INPP4B: variants seen among roughly 807,000 people sequenced by gnomAD.
INPP4B encodes inositol polyphosphate 4-phosphatase type II.
INPP4B carries 55 observed loss-of-function variants against 122.5 expected under a neutral mutation model. The ratio of observed to expected loss-of-function variants is 0.45; its 90% confidence interval spans 0.36 to 0.56. The LOEUF (loss-of-function observed/expected upper bound fraction) is 0.56, where lower values mean the gene tolerates loss of function less well. Among genes scored for constraint, INPP4B ranks in the 20% least tolerant of loss-of-function variants. The pLI is 0.00. For missense variants in INPP4B, 1,000 were observed against 1,097.7 expected, an observed-to-expected ratio of 0.91 and a Z score of 1.26; for synonymous variants, 403 against 388.7, an observed-to-expected ratio of 1.04 and a Z score of -0.43.
At chr4:142,837,371 T>C (rs961894697) in intron 1 of INPP4B, among the ~76,000 whole-genome samples, 1 of 152,160 alleles carries the variant, frequency 6.6e-6, no homozygotes, top group Non-Finnish European at 1.5e-5. Flanking sequence ...CATGGATATA[T>C]TGCATAGTAC....
rs183996404 is a variant in INPP4B at position 142,079,756 on chromosome 4, C to T, written c.2642+2275G>A. Among the ~76,000 whole-genome samples the T allele has an allele frequency of 5.2e-3, 796 of 152,018 alleles. 10 individuals carry two copies. Among genetic ancestry groups the T allele is most frequent in the African/African-American group, 0.018 (758 of 41,528 alleles). On this transcript the variant is annotated intron_variant, in intron 25 of 25. Coordinates refer to ENST00000262992, the MANE Select transcript of INPP4B (RefSeq NM_001101669.3). ...CAAACACTTGCACATTTTTAAAGTG[C>T]TATTTAAAGAGCTGATTTACTTAAA...
chr4:142,130,013 G>A (rs901155729), intron 18 of INPP4B, among the ~76,000 whole-genome samples: 1 of 152,188 alleles, frequency 6.6e-6, no homozygotes, highest in African/African-American at 2.4e-5. Flanking sequence ...TACAGTATAA[G>A]GTGGTATGAT....
intron 7 of INPP4B, among the ~76,000 whole-genome samples, chr4:142,398,541 A>G (rs926670874): frequency 6.7e-6 from 1 of 149,764 alleles, no homozygotes; most frequent in African/African-American, 2.5e-5. Context: ...TGAAGAAGAA[A>G]GCCAACTATC....
rs994180740 is a variant in INPP4B, at chr4:142,081,700, C to G, written c.2642+331G>C. 2.6e-5 allele frequency among the ~76,000 whole-genome samples: 4 copies of G among 152,032 alleles called. No individual in the cohort carries two copies. The East Asian group carries it at 7.7e-4, about 29-fold the overall frequency. Reference sequence around the variant, plus strand: ...CTTACAGTGTTATATATGAGATTTTCGGGGCCCCTTAACTTGAGCCAATGA... The same window carrying G: ...CTTACAGTGTTATATATGAGATTTTGGGGGCCCCTTAACTTGAGCCAATGA... On this transcript the variant is annotated intron_variant, in intron 25 of 25. Transcript: ENST00000262992.
intron 2 of INPP4B, among the ~76,000 whole-genome samples, chr4:142,608,696 G>A (rs1489699304): frequency 6.6e-6 from 1 of 152,176 alleles, no homozygotes; most frequent in African/African-American, 2.4e-5. Flanking sequence ...CTTATCATCT[G>A]GAAAGACCAG....
At chr4:142,428,115 A>G (rs1022800507) in intron 5 of INPP4B, among the ~76,000 whole-genome samples, 2 of 151,626 alleles carry the variant, frequency 1.3e-5, no homozygotes, top group Non-Finnish European at 2.9e-5. Context: ...TTACATACCA[A>G]TTATGGTCTC....
chr4:142,423,932 T>C, intron 5 of INPP4B: 7 of 335,992 alleles, frequency 2.1e-5, no homozygotes, highest in South Asian at 1.7e-4. Flanking sequence ...TCATTTTCCT[T>C]CTAGAAATAC....
intron 16 of INPP4B, among the ~76,000 whole-genome samples, chr4:142,169,210 T>C (rs1044273808): frequency 6.6e-6 from 1 of 151,728 alleles, no homozygotes; most frequent in African/African-American, 2.4e-5. Context: ...ACCAATTAAA[T>C]AATTACCATT....
chr4:142,460,754 A>G (rs1253416796), intron 3 of INPP4B, among the ~76,000 whole-genome samples: 1 of 152,126 alleles, frequency 6.6e-6, no homozygotes, highest in Non-Finnish European at 1.5e-5. Context: ...AAGATGCTGA[A>G]TTGGTCTAAA....
chr4:142,145,806 C>A lies in INPP4B; in HGVS notation c.1720+34G>T, dbSNP rs10008528. 11,255 of 1,597,210 alleles carry A rather than the reference C, an allele frequency of 7.0e-3. 696 individuals are homozygous for A. The African/African-American group carries it at 0.13, about 18-fold the overall frequency. On this transcript the variant is annotated intron_variant, in intron 18 of 25. Transcript: ENST00000262992. Reference sequence around the variant, plus strand: ...TCACGAGTTTCTCATTTTGTTTACTCAGTAAATGATTGGGAAAAAAAATTA... The same window carrying A: ...TCACGAGTTTCTCATTTTGTTTACTAAGTAAATGATTGGGAAAAAAAATTA...
At chr4:142,740,723 G>A (rs1767778435) in intron 1 of INPP4B, among the ~76,000 whole-genome samples, 1 of 151,980 alleles carries the variant, frequency 6.6e-6, no homozygotes, top group Non-Finnish European at 1.5e-5. Context: ...TAAGTGACAA[G>A]GGAAATATTT....
chr4:142,547,177 G>T (rs1290242231), intron 2 of INPP4B, among the ~76,000 whole-genome samples: 5 of 150,958 alleles, frequency 3.3e-5, no homozygotes, highest in Admixed American at 1.3e-4. Flanking sequence ...GGTAAATAAG[G>T]TTGCAAAAAG....
At chr4:142,275,266 A>C (rs1747826808) in intron 9 of INPP4B, among the ~76,000 whole-genome samples, 1 of 151,874 alleles carries the variant, frequency 6.6e-6, no homozygotes, top group Non-Finnish European at 1.5e-5. Context: ...AAAAAGAAAA[A>C]CATCTCCAGA....
intron 20 of INPP4B, 78 bp downstream of exon 20, chr4:142,123,214 G>T: frequency 8.1e-7 from 1 of 1,230,326 alleles, no homozygotes; most frequent in East Asian, 2.6e-5. Flanking sequence ...TTATTTTTAT[G>T]TTTTCTTGAA....
rs1836727161 is a variant in INPP4B at position 142,193,170 on chromosome 4, C to A, written c.1098G>T (p.Val366=). The change falls in exon 15 of 26, where the codon GTG becomes GTT. Residue 366 remains valine (V), a synonymous_variant. Transcript: ENST00000262992. The part of the protein sequence containing the change: ...LKDALYDVIT[V]GAPAAHFQGF... ...CCTGAAAATGGGCAGCTGGGGCTCCCACAGTGATGACATCGTAGAGAGCAT... is the reference window on the plus strand; with the variant it reads ...CCTGAAAATGGGCAGCTGGGGCTCCAACAGTGATGACATCGTAGAGAGCAT... 3 of 1,611,996 alleles carry A rather than the reference C, an allele frequency of 1.9e-6. No homozygotes were observed. The highest frequency in any genetic ancestry group is 2.5e-6 in the Non-Finnish European group (3 of 1,178,228).
chr4:142,512,282 G>A (rs1278007040), intron 2 of INPP4B, among the ~76,000 whole-genome samples: 1 of 152,070 alleles, frequency 6.6e-6, no homozygotes, highest in Non-Finnish European at 1.5e-5. Flanking sequence ...GGATACAGTT[G>A]TAACTGAAAA....
chr4:142,503,129 G>T (rs1324216971), intron 2 of INPP4B, among the ~76,000 whole-genome samples: 1 of 152,068 alleles, frequency 6.6e-6, no homozygotes, highest in Non-Finnish European at 1.5e-5. Context: ...ATAATATATA[G>T]AGTGTCATTC....
intron 18 of INPP4B, among the ~76,000 whole-genome samples, chr4:142,135,177 A>C (rs949092920): frequency 1.3e-5 from 2 of 152,206 alleles, no homozygotes; most frequent in East Asian, 3.8e-4. Flanking sequence ...TCATTCCACA[A>C]TATTGGGCCT....
chr4:142,173,253 T>C (rs1299857343), intron 16 of INPP4B, among the ~76,000 whole-genome samples: 4 of 151,866 alleles, frequency 2.6e-5, no homozygotes, highest in Non-Finnish European at 4.4e-5. Flanking sequence ...GCATTCCTAT[T>C]CAAATGTAAA....
Sources: allele counts gnomAD v4.1 joint callset (sites outside exome capture counted in the v4.1 genomes callset), GRCh38; gene constraint gnomAD v4.1.1; transcripts MANE v1.5; gene names NCBI Gene and HGNC (gene_info 2026-07-23, HGNC 2026-07-21).